The following EXT2 variants were observed in gnomAD, a reference collection of about 807,000 sequenced individuals.
EXT2 encodes exostosin-2.
A neutral mutation model predicts 81.6 loss-of-function variants in EXT2; 53 were observed. The ratio of observed to expected loss-of-function variants is 0.65; its 90% confidence interval spans 0.52 to 0.82. The LOEUF is 0.82. Ranked by LOEUF, EXT2 falls within the 40% of genes least tolerant of loss-of-function variation. The probability of loss-of-function intolerance (pLI) is 0.00; values close to 1 mark genes in which losing one functional copy is unlikely to be tolerated. For synonymous variants in EXT2, 320 were observed against 340.0 expected, an observed-to-expected ratio of 0.94 and a Z score of 0.65; for missense variants, 774 against 910.2, an observed-to-expected ratio of 0.85 and a Z score of 1.93.
chr11:44,146,306 C>T (rs774164721), intron 7 of EXT2, among the ~76,000 whole-genome samples: 1 of 152,144 alleles, frequency 6.6e-6, no homozygotes, highest in Admixed American at 6.5e-5. Context: ...AGGGTGTCAA[C>T]ATGTGAATTT....
In EXT2 at chr11:44,149,222, T is replaced by C. The variant is rs1466530181; in HGVS notation, c.1173+19084T>C. Among the ~76,000 whole-genome samples, 8 of 151,780 alleles carry C rather than the reference T, an allele frequency of 5.3e-5. No homozygotes were observed. The South Asian group carries it at 1.7e-3, about 32-fold the overall frequency. ...ACAGAAAATGAAAAACTTAGCTGGG[T>C]GTGGTGGTGCATGCCTGTAGTCTCA... On this transcript the variant is annotated intron_variant, in intron 7 of 13. Coordinates refer to ENST00000533608, the MANE Select transcript of EXT2 (RefSeq NM_207122.2).
intron 10 of EXT2, among the ~76,000 whole-genome samples, chr11:44,208,176 C>T (rs1192880981): frequency 6.6e-6 from 1 of 151,664 alleles, no homozygotes; most frequent in Non-Finnish European, 1.5e-5. Flanking sequence ...GTTTTTCTAG[C>T]CAAGTAATGG....
chr11:44,188,268 C>A (rs1955343913), intron 8 of EXT2, among the ~76,000 whole-genome samples: 1 of 152,156 alleles, frequency 6.6e-6, no homozygotes, highest in East Asian at 1.9e-4. Flanking sequence ...GAGCTTTGAC[C>A]TGGTAACTCT....
intron 7 of EXT2, among the ~76,000 whole-genome samples, chr11:44,149,529 A>G (rs1954765077): frequency 6.6e-6 from 1 of 152,226 alleles, no homozygotes; most frequent in Admixed American, 6.5e-5. Context: ...GCTTGTAAAT[A>G]CGTATTGGAC....
intron 9 of EXT2, among the ~76,000 whole-genome samples, chr11:44,200,605 G>A (rs1590642173): frequency 6.6e-6 from 1 of 152,188 alleles, no homozygotes; most frequent in South Asian, 2.1e-4. Flanking sequence ...AGCAACCCAG[G>A]ATGGTCAACA....
chr11:44,240,062 T>C (rs1468791304), intron 13 of EXT2, among the ~76,000 whole-genome samples: 1 of 152,210 alleles, frequency 6.6e-6, no homozygotes, highest in African/African-American at 2.4e-5. Flanking sequence ...AAAAATGACA[T>C]GAAAAAACTC....
intron 7 of EXT2, among the ~76,000 whole-genome samples, chr11:44,151,342 G>A (rs1008085264): frequency 4.6e-5 from 7 of 152,052 alleles, no homozygotes; most frequent in Non-Finnish European, 1.0e-4. Context: ...ATACAGAATA[G>A]TTCCATTGCC....
At chr11:44,189,494 C>T (rs1423652075) in intron 8 of EXT2, among the ~76,000 whole-genome samples, 1 of 152,174 alleles carries the variant, frequency 6.6e-6, no homozygotes, top group Non-Finnish European at 1.5e-5. Context: ...GGGGAAGCCA[C>T]AGGAAACTTA....
chr11:44,244,017 T>C (rs1956068570), intron 13 of EXT2, 132 bp from the exon 14 acceptor site: 12 of 868,588 alleles, frequency 1.4e-5, no homozygotes, highest in Non-Finnish European at 1.9e-6. Context: ...TTGAGCTTTT[T>C]TTGTTGATGT....
In EXT2 at chr11:44,251,443, A is replaced by G. The variant is rs1288437496; in HGVS notation, c.*7156A>G. 6.6e-6 allele frequency among the ~76,000 whole-genome samples: 1 copy of G among 152,216 alleles called. No individual in the cohort carries two copies. Among genetic ancestry groups the G allele is most frequent in the Non-Finnish European group, 1.5e-5 (1 of 68,034 alleles). On this transcript the variant is annotated 3_prime_UTR_variant, in exon 14 of 14. Coordinates refer to ENST00000533608, the MANE Select transcript of EXT2 (RefSeq NM_207122.2). ...ATACCTGGAGGGAGAACTTCCTAAG[A>G]AATGATTTTTGGTTCTTTTAGGCCT...
chr11:44,182,185 G>C (rs1955245279), intron 8 of EXT2, among the ~76,000 whole-genome samples: 1 of 152,006 alleles, frequency 6.6e-6, no homozygotes, highest in African/African-American at 2.4e-5. Flanking sequence ...TTCTGTGCCT[G>C]GGGTCTCTGA....
intron 7 of EXT2, among the ~76,000 whole-genome samples, chr11:44,159,176 T>C (rs1271793005): frequency 3.3e-5 from 5 of 151,706 alleles, no homozygotes; most frequent in Non-Finnish European, 7.4e-5. Context: ...TTCCTGGATC[T>C]GTAGTTTGGT....
intron 7 of EXT2, among the ~76,000 whole-genome samples, chr11:44,137,412 C>G (rs1954586512): frequency 6.6e-6 from 1 of 152,084 alleles, no homozygotes. Flanking sequence ...TGGGCAAATA[C>G]AATTGAGTAG....
rs767085143 is a variant in EXT2 at position 44,171,681 on chromosome 11, A to G, written c.1244A>G (p.Asn415Ser). Residue 415 changes from asparagine (N) to serine (S), a missense_variant, in exon 8 of 14, where the codon AAT becomes AGT. Transcript: ENST00000533608. ...AIALATLQII[N>S]DRIYPYAAIS... Reference sequence around the variant, plus strand: ...GCCCTGGCCACCCTGCAGATTATCAATGACCGGATCTATCCATATGCTGCC... The same window carrying G: ...GCCCTGGCCACCCTGCAGATTATCAGTGACCGGATCTATCCATATGCTGCC... The G allele has an allele frequency of 1.4e-5, 22 of 1,614,012 alleles. No homozygotes were observed. The highest frequency in any genetic ancestry group is 1.1e-4 in the East Asian group (5 of 44,898).
At chr11:44,171,815 A>G in intron 8 of EXT2, 73 bp downstream of exon 8, 2 of 1,593,114 alleles carry the variant, frequency 1.3e-6, no homozygotes, top group South Asian at 1.1e-5. Context: ...AAAATGTACT[A>G]CAATTGTAAA....
chr11:44,219,020 C>T (rs1370798175), intron 10 of EXT2, among the ~76,000 whole-genome samples: 1 of 151,868 alleles, frequency 6.6e-6, no homozygotes, highest in African/African-American at 2.4e-5. Context: ...AGGCTGGTCT[C>T]AAACTCCTGA....
At chr11:44,237,663 A>G (rs1019197662) in intron 13 of EXT2, among the ~76,000 whole-genome samples, 1 of 152,124 alleles carries the variant, frequency 6.6e-6, no homozygotes, top group African/African-American at 2.4e-5. Context: ...GGTCCAGGAA[A>G]GGAAGTATAG....
chr11:44,097,325 G>A (rs2134936516), intron 1 of EXT2, among the ~76,000 whole-genome samples: 1 of 152,252 alleles, frequency 6.6e-6, no homozygotes. Context: ...ATTTTTAGGG[G>A]CATTTAGCCA....
chr11:44,112,410 G>A (rs1438198854), intron 3 of EXT2, among the ~76,000 whole-genome samples: 2 of 152,136 alleles, frequency 1.3e-5, no homozygotes, highest in African/African-American at 4.8e-5. Flanking sequence ...TCAGTCTCTT[G>A]CAGCTTTGGA....
Sources: allele counts gnomAD v4.1 joint callset (sites outside exome capture counted in the v4.1 genomes callset), GRCh38; gene constraint gnomAD v4.1.1; transcripts MANE v1.5; gene names NCBI Gene and HGNC (gene_info 2026-07-23, HGNC 2026-07-21).